The following APBB2 variants were observed in gnomAD, a reference collection of about 807,000 sequenced individuals.
The protein encoded by APBB2 is amyloid beta precursor protein binding family B member 2, also known as Fe65-like 1.
A neutral mutation model predicts 82.5 loss-of-function variants in APBB2; 38 were observed. That is an observed-to-expected ratio of 0.46 (90% CI 0.36 to 0.60). The LOEUF is 0.60. Ranked by LOEUF, APBB2 falls within the 20% of genes least tolerant of loss-of-function variation. The probability of loss-of-function intolerance (pLI) is 0.00; values close to 1 mark genes in which losing one functional copy is unlikely to be tolerated. For missense variants in APBB2, 772 were observed against 972.3 expected (o/e 0.79, Z 2.74); for synonymous variants, 341 against 368.2 (o/e 0.93, Z 0.85).
intron 5 of APBB2, among the ~76,000 whole-genome samples, chr4:41,020,048 CAG>C (rs1381454057): frequency 1.3e-5 from 2 of 152,176 alleles, no homozygotes; most frequent in South Asian, 4.2e-4. Flanking sequence ...ACAAAGGAGT[CAG>C]AGAGAAAGAG....
At chr4:40,905,734 C>T (rs765608182) in intron 10 of APBB2, among the ~76,000 whole-genome samples, 5 of 152,176 alleles carry the variant, frequency 3.3e-5, no homozygotes, top group African/African-American at 9.7e-5. Flanking sequence ...AGATGACATT[C>T]GGCATCTACT....
chr4:40,911,555 C>T (rs1348765584), intron 10 of APBB2, among the ~76,000 whole-genome samples: 1 of 152,206 alleles, frequency 6.6e-6, no homozygotes, highest in African/African-American at 2.4e-5. Context: ...GTGTCTTACA[C>T]TGTAGGCCAC....
At chr4:41,035,302 C>G (rs939567376) in intron 4 of APBB2, among the ~76,000 whole-genome samples, 3 of 152,142 alleles carry the variant, frequency 2.0e-5, no homozygotes, top group Non-Finnish European at 4.4e-5. Context: ...GACCTGACAG[C>G]CTGGTCTACT....
intron 1 of APBB2, among the ~76,000 whole-genome samples, chr4:41,194,485 C>A: frequency 1.3e-5 from 2 of 152,146 alleles, no homozygotes; most frequent in African/African-American, 4.8e-5. Flanking sequence ...GAGTTTGAGA[C>A]CAGCTTGGGC....
chr4:40,851,230 C>G (rs1759237127), intron 12 of APBB2, among the ~76,000 whole-genome samples: 1 of 152,190 alleles, frequency 6.6e-6, no homozygotes, highest in Non-Finnish European at 1.5e-5. Context: ...TGGCTAGAAA[C>G]TGTTCCACCA....
chr4:40,893,439 G>A (rs1231302803), intron 10 of APBB2, 28 bp from the exon 11 acceptor site: 1 of 1,585,590 alleles, frequency 6.3e-7, no homozygotes, highest in South Asian at 1.2e-5. Flanking sequence ...AGGACAAGAA[G>A]TCACTCCATG....
intron 4 of APBB2, among the ~76,000 whole-genome samples, chr4:41,034,188 CAA>C (rs2154443388): frequency 6.6e-6 from 1 of 152,286 alleles, no homozygotes; most frequent in East Asian, 1.9e-4. Context: ...CTTCTGAAGT[CAA>C]AAGACCAGTA....
At chr4:40,974,546 AAAAG>A in intron 6 of APBB2, among the ~76,000 whole-genome samples, 1 of 152,224 alleles carries the variant, frequency 6.6e-6, no homozygotes, top group Non-Finnish European at 1.5e-5. Context: ...AACAGAGACT[AAAAG>A]AACAGAAGTT....
chr4:41,080,231 T>G (rs890398394), intron 3 of APBB2, among the ~76,000 whole-genome samples: 3 of 152,186 alleles, frequency 2.0e-5, no homozygotes, highest in Non-Finnish European at 4.4e-5. Context: ...TGCAGCACAT[T>G]TAGTTCCCAG....
chr4:41,146,902 G>T (rs905069486), intron 1 of APBB2, among the ~76,000 whole-genome samples: 2 of 152,162 alleles, frequency 1.3e-5, no homozygotes, highest in South Asian at 4.1e-4. Flanking sequence ...CTGGCTTTGC[G>T]AGAGCCCGAA....
At chr4:41,165,060 T>C (rs1766139420) in intron 1 of APBB2, among the ~76,000 whole-genome samples, 1 of 152,202 alleles carries the variant, frequency 6.6e-6, no homozygotes, top group Non-Finnish European at 1.5e-5. Context: ...CCCAAAGCCA[T>C]GAACCCTCTA....
At chr4:41,137,305 G>A (rs1757852643) in intron 2 of APBB2, among the ~76,000 whole-genome samples, 1 of 152,076 alleles carries the variant, frequency 6.6e-6, no homozygotes, top group Admixed American at 6.6e-5. Context: ...TTAAGACAGA[G>A]GTAATGAAAA....
At chr4:40,883,239 T>C (rs1052680573) in intron 12 of APBB2, among the ~76,000 whole-genome samples, 1 of 152,096 alleles carries the variant, frequency 6.6e-6, no homozygotes, top group Admixed American at 6.6e-5. Flanking sequence ...AGAAGATCAC[T>C]TGAGCCCAAG....
At chr4:41,062,093 T>A (rs1169000364) in intron 4 of APBB2, among the ~76,000 whole-genome samples, 1 of 152,222 alleles carries the variant, frequency 6.6e-6, no homozygotes, top group Non-Finnish European at 1.5e-5. Flanking sequence ...CTGCTAAGGT[T>A]AACATTTCTT....
chr4:40,913,325 A>G (rs1198931164), intron 10 of APBB2, among the ~76,000 whole-genome samples: 1 of 152,196 alleles, frequency 6.6e-6, no homozygotes, highest in Non-Finnish European at 1.5e-5. Flanking sequence ...AAACAAGTGT[A>G]TGGTTTTTAA....
chr4:41,157,969 G>A (rs1418697560), intron 1 of APBB2, among the ~76,000 whole-genome samples: 1 of 152,184 alleles, frequency 6.6e-6, no homozygotes, highest in Non-Finnish European at 1.5e-5. Context: ...TCCAGTCTGG[G>A]CGACAGAGTG....
chr4:40,831,166 G>C (rs1488319470), intron 12 of APBB2, among the ~76,000 whole-genome samples: 1 of 152,218 alleles, frequency 6.6e-6, no homozygotes, highest in Non-Finnish European at 1.5e-5. Context: ...GGGAGGCCGA[G>C]GTGGGCGGAT....
At chr4:40,933,456 G>C (rs147786674) in intron 10 of APBB2, among the ~76,000 whole-genome samples, 2 of 152,332 alleles carry the variant, frequency 1.3e-5, no homozygotes, top group African/African-American at 4.8e-5. Context: ...GACATGCTAG[G>C]TGCCTGGACT....
At chr4:40,972,896 A>G (rs1016913379) in intron 6 of APBB2, among the ~76,000 whole-genome samples, 3 of 152,236 alleles carry the variant, frequency 2.0e-5, no homozygotes, top group Non-Finnish European at 4.4e-5. Flanking sequence ...GTGCTTAATA[A>G]GAATTTGCTA....
Sources: gnomAD v4.1 joint callset for allele counts (sites outside exome capture counted in the v4.1 genomes callset) on GRCh38, gnomAD v4.1.1 for gene constraint, MANE v1.5 for transcripts, NCBI Gene and HGNC (gene_info 2026-07-23, HGNC 2026-07-21) for gene names.